The following PTPRD variants were observed in gnomAD, a reference collection of about 807,000 sequenced individuals.
PTPRD encodes the protein receptor-type tyrosine-protein phosphatase delta.
In PTPRD, 34 loss-of-function variants were observed where a neutral mutation model predicts 214.5. The observed-to-expected ratio is 0.16, with a 90% confidence interval of 0.12 to 0.21. The LOEUF (loss-of-function observed/expected upper bound fraction) is 0.21. PTPRD is among the 10% of genes least tolerant of loss of function. PTPRD has a pLI of 1.00. For missense variants in PTPRD, 2,545 were observed against 2,398.7 expected (o/e 1.06, Z -1.27); for synonymous variants, 1,128 against 845.7 (o/e 1.33, Z -5.79).
chr9:9,894,643 T>C (rs1231005350), intron 5 of PTPRD, among the ~76,000 whole-genome samples: 1 of 152,066 alleles, frequency 6.6e-6, no homozygotes, highest in Non-Finnish European at 1.5e-5. Context: ...CTGCATGCTT[T>C]TCTTCCTAAG....
At chr9:10,584,692 A>T (rs1274304878) in intron 2 of PTPRD, among the ~76,000 whole-genome samples, 1 of 152,192 alleles carries the variant, frequency 6.6e-6, no homozygotes, top group Non-Finnish European at 1.5e-5. Context: ...GACATATATC[A>T]GTAGAAATAA....
intron 9 of PTPRD, among the ~76,000 whole-genome samples, chr9:9,302,628 G>A (rs1268554068): frequency 2.0e-5 from 2 of 99,652 alleles, no homozygotes; most frequent in African/African-American, 7.7e-5. Flanking sequence ...GTCTTTCCTG[G>A]TGTTCTGTCC....
intron 5 of PTPRD, among the ~76,000 whole-genome samples, chr9:9,818,755 A>C (rs1040399477): frequency 5.9e-5 from 9 of 151,798 alleles, no homozygotes; most frequent in Non-Finnish European, 1.2e-4. Context: ...GTCTCTACTA[A>C]AAATACAAAA....
intron 3 of PTPRD, among the ~76,000 whole-genome samples, chr9:10,182,886 A>G (rs2099308353): frequency 6.6e-6 from 1 of 152,144 alleles, no homozygotes; most frequent in African/African-American, 2.4e-5. Context: ...TAAAATATGA[A>G]GACAGCAGTT....
At chr9:9,729,461 G>A (rs1008934974) in intron 7 of PTPRD, among the ~76,000 whole-genome samples, 7 of 152,006 alleles carry the variant, frequency 4.6e-5, no homozygotes, top group Non-Finnish European at 1.0e-4. Flanking sequence ...CTAACTGCAA[G>A]GTGGAAGGAA....
At chr9:9,919,979 C>T (rs1006060871) in intron 5 of PTPRD, among the ~76,000 whole-genome samples, 4 of 152,124 alleles carry the variant, frequency 2.6e-5, no homozygotes, top group Non-Finnish European at 5.9e-5. Context: ...TCTTCATATA[C>T]ACCTTGAAGT....
At chr9:9,035,310 T>C (rs775370458) in intron 10 of PTPRD, among the ~76,000 whole-genome samples, 1 of 152,134 alleles carries the variant, frequency 6.6e-6, no homozygotes, top group Non-Finnish European at 1.5e-5. Flanking sequence ...AGAAAACCTG[T>C]ATATAAAGTA....
At chr9:8,935,020 C>A (rs180696850) in intron 11 of PTPRD, among the ~76,000 whole-genome samples, 4 of 152,062 alleles carry the variant, frequency 2.6e-5, no homozygotes, top group Admixed American at 1.3e-4. Context: ...CTTATATATA[C>A]ACACACAGAG....
At chr9:9,758,407 G>C (rs1180775620) in intron 6 of PTPRD, among the ~76,000 whole-genome samples, 2 of 152,054 alleles carry the variant, frequency 1.3e-5, no homozygotes, top group South Asian at 2.1e-4. Flanking sequence ...ATGAGGGGTA[G>C]GGATGGGTAG....
chr9:9,100,276 A>G (rs1452597108), intron 10 of PTPRD, among the ~76,000 whole-genome samples: 5 of 152,146 alleles, frequency 3.3e-5, no homozygotes, highest in Admixed American at 6.5e-5. Context: ...AGGTATTACC[A>G]TCTGCTCCCA....
chr9:9,085,140 T>A (rs942333824), intron 10 of PTPRD, among the ~76,000 whole-genome samples: 2 of 152,138 alleles, frequency 1.3e-5, no homozygotes, highest in Non-Finnish European at 2.9e-5. Context: ...TATTTAGTGA[T>A]TTTTTTGGTC....
In PTPRD at chr9:9,743,842, A is replaced by G. The variant is rs1047745438; in HGVS notation, c.-325-9271T>C. ...TTCGATGATTTCTATTTGACTCTCT[A>G]TAAGGTCTTGAATTTTTATCCAAGA... On this transcript the variant is annotated intron_variant, in intron 6 of 45. Transcript: ENST00000381196. Among the ~76,000 whole-genome samples the G allele has an allele frequency of 2.2e-4, 34 of 151,786 alleles. 1 individual carries two copies. The highest frequency in any genetic ancestry group is 8.2e-4 in the African/African-American group (34 of 41,378).
intron 11 of PTPRD, among the ~76,000 whole-genome samples, chr9:8,757,037 G>C (rs1175848041): frequency 1.3e-5 from 2 of 152,138 alleles, no homozygotes; most frequent in Non-Finnish European, 2.9e-5. Context: ...AGCTACTCGG[G>C]AGGCTGAGGC....
At chr9:10,034,270 T>A (rs2097136123) in intron 3 of PTPRD, among the ~76,000 whole-genome samples, 1 of 152,092 alleles carries the variant, frequency 6.6e-6, no homozygotes, top group Non-Finnish European at 1.5e-5. Flanking sequence ...AAAACTAAAT[T>A]TATCATACTG....
chr9:10,441,593 A>T (rs1202212305), intron 2 of PTPRD, among the ~76,000 whole-genome samples: 1 of 151,256 alleles, frequency 6.6e-6, no homozygotes, highest in Non-Finnish European at 1.5e-5. Flanking sequence ...ACTTATCCTT[A>T]TTATTGTGCT....
chr9:8,795,175 A>T lies in PTPRD; in HGVS notation c.-103-61229T>A, dbSNP rs182817101. On this transcript the variant is annotated intron_variant, in intron 11 of 45. Coordinates refer to ENST00000381196, the MANE Select transcript of PTPRD (RefSeq NM_002839.4). ...TTTATTTTATATGAAGAAAAAAAAA[A>T]TTTTTTTTGAGATGAGTCTCACTCT... Among the ~76,000 whole-genome samples the T allele has an allele frequency of 5.4e-3, 819 of 151,200 alleles. 5 individuals are homozygous for T. The highest frequency in any genetic ancestry group is 0.017 in the Middle Eastern group (5 of 292).
At chr9:9,773,960 T>C (rs897933443) in intron 5 of PTPRD, among the ~76,000 whole-genome samples, 10 of 152,236 alleles carry the variant, frequency 6.6e-5, no homozygotes, top group African/African-American at 1.7e-4. Flanking sequence ...GTACAGGCAA[T>C]GTCAATGTTT....
intron 9 of PTPRD, among the ~76,000 whole-genome samples, chr9:9,228,451 T>G (rs73641266): frequency 0.015 from 2,275 of 152,216 alleles, 54 homozygotes; most frequent in African/African-American, 0.052. Context: ...TGCACACATA[T>G]ATGCATGTTG....
intron 11 of PTPRD, among the ~76,000 whole-genome samples, chr9:8,735,154 TTTTTTTTTTG>T (rs1565662644): frequency 1.0e-4 from 15 of 147,186 alleles, no homozygotes; most frequent in South Asian, 2.2e-4. Context: ...TTTTTTCTGT[TTTTTTTTTTG>T]AGACAGTCTC....
Sources: allele counts gnomAD v4.1 joint callset (sites outside exome capture counted in the v4.1 genomes callset), GRCh38; gene constraint gnomAD v4.1.1; transcripts MANE v1.5; gene names NCBI Gene and HGNC (gene_info 2026-07-23, HGNC 2026-07-21).